GNAO1: variants seen among roughly 807,000 people sequenced by gnomAD.
GNAO1 encodes guanine nucleotide-binding protein G(o) subunit alpha.
For missense variants in GNAO1, 166 were observed against 478.7 expected, an observed-to-expected ratio of 0.35 and a Z score of 6.10; for synonymous variants, 164 against 180.7, an observed-to-expected ratio of 0.91 and a Z score of 0.74.
At chr16:56,241,845 G>A (rs1208511946) in intron 2 of GNAO1, among the ~76,000 whole-genome samples, 1 of 152,256 alleles carries the variant, frequency 6.6e-6, no homozygotes, top group African/African-American at 2.4e-5. Flanking sequence ...GGAGGTCCCA[G>A]TTACGAGCCT....
chr16:56,352,109 T>G (rs2037927985), intron 7 of GNAO1: 1 of 153,128 alleles, frequency 6.5e-6, no homozygotes, highest in Non-Finnish European at 1.5e-5. Flanking sequence ...CCAGCCCCAT[T>G]GCGCCTCCTC....
At chr16:56,255,216 G>A (rs1175256039) in intron 2 of GNAO1, among the ~76,000 whole-genome samples, 1 of 152,198 alleles carries the variant, frequency 6.6e-6, no homozygotes, top group African/African-American at 2.4e-5. Flanking sequence ...AGGAGAAAAG[G>A]GAGGGGCAGG....
chr16:56,280,794 C>T (rs770118796), intron 3 of GNAO1, among the ~76,000 whole-genome samples: 7 of 152,110 alleles, frequency 4.6e-5, no homozygotes, highest in East Asian at 1.9e-4. Flanking sequence ...GCCAGGAGGC[C>T]GGGTGGGGCC....
intron 3 of GNAO1, among the ~76,000 whole-genome samples, chr16:56,318,935 A>G (rs1345042242): frequency 3.9e-5 from 6 of 152,188 alleles, no homozygotes; most frequent in African/African-American, 1.4e-4. Flanking sequence ...ACAGAGGCTC[A>G]GAGGTTCAGT....
intron 2 of GNAO1, among the ~76,000 whole-genome samples, chr16:56,228,397 A>G (rs1451633693): frequency 3.3e-5 from 5 of 151,776 alleles, no homozygotes; most frequent in Non-Finnish European, 7.4e-5. Flanking sequence ...GTGTGTGTGT[A>G]TATATGTGAG....
intron 2 of GNAO1, chr16:56,235,388 G>C (rs1303185110): frequency 2.2e-6 from 1 of 456,084 alleles, no homozygotes; most frequent in Admixed American, 2.3e-5. Context: ...CAAGGAGGTA[G>C]GTAGAGCTAG....
chr16:56,226,886 A>T (rs1410210295), intron 2 of GNAO1, among the ~76,000 whole-genome samples: 1 of 152,192 alleles, frequency 6.6e-6, no homozygotes, highest in Non-Finnish European at 1.5e-5. Flanking sequence ...CATTGCCCAC[A>T]CTGCCCTCCA....
chr16:56,339,217 C>G (rs1008311793), intron 6 of GNAO1, among the ~76,000 whole-genome samples: 3 of 152,268 alleles, frequency 2.0e-5, no homozygotes, highest in Non-Finnish European at 4.4e-5. Flanking sequence ...GGGAGTCAGA[C>G]AGATCTGGTC....
At position 56,257,175 on chromosome 16, in the gene GNAO1, TG is replaced by T. The variant is rs879431121; in HGVS notation, c.162-18747del. Among the ~76,000 whole-genome samples the T allele has an allele frequency of 1.3e-3, 194 of 150,778 alleles. 1 individual carries two copies. The highest frequency in any genetic ancestry group is 3.6e-3 in the African/African-American group (149 of 41,106). On this transcript the variant is annotated intron_variant, in intron 2 of 8. Transcript: ENST00000262493. ...GGGAAGGCTGAAAGGGGACTGGGTT[TG>T]GGGGGGGGAAATTAGAAGTTCAGTT...
At chr16:56,259,115 G>A (rs1191028934) in intron 2 of GNAO1, among the ~76,000 whole-genome samples, 1 of 152,242 alleles carries the variant, frequency 6.6e-6, no homozygotes, top group African/African-American at 2.4e-5. Flanking sequence ...GGGACATGCA[G>A]GAGCCAGTGC....
At chr16:56,324,527 AGCAGGATCGCT>A (rs1567483881) in intron 3 of GNAO1, among the ~76,000 whole-genome samples, 1 of 152,208 alleles carries the variant, frequency 6.6e-6, no homozygotes. Flanking sequence ...AGGCGTGAGG[AGCAGGATCGCT>A]GCAGGTCCCT....
intron 2 of GNAO1, among the ~76,000 whole-genome samples, chr16:56,226,926 C>T (rs1468714404): frequency 6.6e-6 from 1 of 152,204 alleles, no homozygotes; most frequent in Admixed American, 6.5e-5. Context: ...CTTGATGCTA[C>T]ATTTTTGGGA....
intron 3 of GNAO1, among the ~76,000 whole-genome samples, chr16:56,296,289 C>A (rs1156842725): frequency 1.3e-5 from 2 of 152,120 alleles, no homozygotes; most frequent in African/African-American, 4.8e-5. Context: ...CCCTTACTTG[C>A]TGAATGGCTA....
rs1478347115 is a variant in GNAO1, at chr16:56,351,641, G to A, written c.877+104G>A. The A allele has an allele frequency of 5.6e-6, 5 of 889,654 alleles. No individual in the cohort carries two copies. Among genetic ancestry groups the A allele is most frequent in the Admixed American group, 4.5e-5 (2 of 44,524 alleles). The allele number at this position is 889,654 out of a possible 1,614,324, so 55.1% of individuals were successfully genotyped here. A position where few individuals can be genotyped will look rare whatever the true frequency, so the allele number is the denominator to read the frequency against. ...CAGCACTGCTGGGGCTAGCTGGCGA[G>A]CGGGACCCATTGCAGGAGACTGGTG... On this transcript the variant is annotated intron_variant, in intron 7 of 8. Transcript: ENST00000262493. The surrounding 1 kb of genome is among the most constrained non-coding windows in gnomAD (Gnocchi z 6.1).
At chr16:56,256,686 G>GTCTCTCTGTC (rs1567457155) in intron 2 of GNAO1, among the ~76,000 whole-genome samples, 2 of 136,430 alleles carry the variant, frequency 1.5e-5, no homozygotes, top group African/African-American at 5.7e-5. Flanking sequence ...CTTTCTCTCT[G>GTCTCTCTGTC]TCTCTCTCTC....
intron 6 of GNAO1, chr16:56,344,554 C>T: frequency 1.0e-6 from 1 of 986,674 alleles, no homozygotes; most frequent in Non-Finnish European, 1.2e-6. Context: ...CTTGCCTTTG[C>T]TCTCCCAGAG....
Position 56,222,517 on chromosome 16 carries a change from G to A in GNAO1, c.161+29901G>A, listed in dbSNP as rs371167270. On this transcript the variant is annotated intron_variant, in intron 2 of 8. Coordinates refer to ENST00000262493, the MANE Select transcript of GNAO1 (RefSeq NM_020988.3). Reference sequence around the variant, plus strand: ...GCCTCCCCACTCCCCAGACCTTGGAGTCTTGTGATTGCTTGTATCAGTGGC... The same window carrying A: ...GCCTCCCCACTCCCCAGACCTTGGAATCTTGTGATTGCTTGTATCAGTGGC... Among the ~76,000 whole-genome samples the A allele has an allele frequency of 2.6e-5, 4 of 152,276 alleles. No homozygotes were observed. In the East Asian group the frequency reaches 7.7e-4, roughly 29 times the overall value.
intron 2 of GNAO1, among the ~76,000 whole-genome samples, chr16:56,216,633 G>A (rs2036439144): frequency 6.6e-6 from 1 of 152,232 alleles, no homozygotes; most frequent in South Asian, 2.1e-4. Context: ...TGATGTGGCT[G>A]TTAGGAGTAT....
chr16:56,312,536 C>G (rs1014464578), intron 3 of GNAO1, among the ~76,000 whole-genome samples: 2 of 152,258 alleles, frequency 1.3e-5, no homozygotes, highest in African/African-American at 4.8e-5. Context: ...TCAGCCAGCT[C>G]TGACCCCTGA....
Sources: gnomAD v4.1 joint callset for allele counts (sites outside exome capture counted in the v4.1 genomes callset) on GRCh38, gnomAD v4.1.1 for gene constraint, Gnocchi (gnomAD v3.1) non-coding constraint, MANE v1.5 for transcripts, NCBI Gene and HGNC (gene_info 2026-07-23, HGNC 2026-07-21) for gene names.